Variants in RPSA2 observed in about 807,000 individuals in gnomAD.
RPSA2 encodes ribosomal protein SA 2.
the RPSA2 span, among the ~76,000 whole-genome samples, chr19:23,852,321 C>A: frequency 7.3e-6 from 1 of 137,476 alleles, no homozygotes; most frequent in Non-Finnish European, 1.5e-5. Flanking sequence ...GAGACCCTAA[C>A]CCAGCGGCGC....
the RPSA2 span, among the ~76,000 whole-genome samples, chr19:23,820,143 C>T: frequency 6.6e-6 from 1 of 152,156 alleles, no homozygotes; most frequent in Non-Finnish European, 1.5e-5. Flanking sequence ...AGGTGTGGCC[C>T]CTATTTCCTG....
At chr19:23,863,345 C>T in the RPSA2 span, among the ~76,000 whole-genome samples, 1 of 152,078 alleles carries the variant, frequency 6.6e-6, no homozygotes, top group Non-Finnish European at 1.5e-5. Context: ...GGGTGGATCA[C>T]CTAAGGTCAA....
chr19:23,801,380 A>G, the RPSA2 span, among the ~76,000 whole-genome samples: 1 of 152,110 alleles, frequency 6.6e-6, no homozygotes, highest in Non-Finnish European at 1.5e-5. Context: ...CTTGGATTAC[A>G]GGCATGTGCC....
the RPSA2 span, among the ~76,000 whole-genome samples, chr19:23,824,250 T>C: frequency 2.6e-5 from 4 of 152,184 alleles, no homozygotes; most frequent in African/African-American, 9.7e-5. Context: ...AAAGCTGACC[T>C]TGCAGCTGCA....
At chr19:23,820,964 C>T in the RPSA2 span, among the ~76,000 whole-genome samples, 4 of 152,242 alleles carry the variant, frequency 2.6e-5, no homozygotes, top group East Asian at 5.8e-4. Flanking sequence ...TAAGATCTCT[C>T]CAGCTTGAGA....
At chr19:23,856,242 G>A in the RPSA2 span, among the ~76,000 whole-genome samples, 84 of 152,036 alleles carry the variant, frequency 5.5e-4, no homozygotes, top group East Asian at 4.7e-3. Flanking sequence ...CACCCCAAAC[G>A]GTGACAGGAA....
the RPSA2 span, chr19:23,818,993 A>C: frequency 1.3e-5 from 2 of 152,186 alleles, no homozygotes; most frequent in Non-Finnish European, 2.9e-5. Context: ...CATCCTTCTA[A>C]GGATTCTCCC....
At chr19:23,858,549 G>C in the RPSA2 span, among the ~76,000 whole-genome samples, 2 of 152,142 alleles carry the variant, frequency 1.3e-5, no homozygotes, top group African/African-American at 4.8e-5. Context: ...GAAGTCCTTG[G>C]TAAAGTTTCC....
chr19:23,841,714 G>C, the RPSA2 span, among the ~76,000 whole-genome samples: 1 of 151,504 alleles, frequency 6.6e-6, no homozygotes, highest in Non-Finnish European at 1.5e-5. Context: ...CCTGTGTACA[G>C]GGTGAGCAGC....
At chr19:23,835,613 TA>T in the RPSA2 span, among the ~76,000 whole-genome samples, 1 of 6,608 alleles carries the variant, frequency 1.5e-4, no homozygotes, top group Admixed American at 3.9e-3. Context: ...GTTTGTTTAA[TA>T]GTTTTTTTTT....
the RPSA2 span, among the ~76,000 whole-genome samples, chr19:23,780,349 A>C: frequency 6.6e-6 from 1 of 152,108 alleles, no homozygotes; most frequent in Non-Finnish European, 1.5e-5. Flanking sequence ...CCACAGTTAA[A>C]ACTGTGACTA....
chr19:23,838,241 A>G, the RPSA2 span, among the ~76,000 whole-genome samples: 1 of 152,122 alleles, frequency 6.6e-6, no homozygotes, highest in Non-Finnish European at 1.5e-5. Context: ...GTGGTGTATC[A>G]TTTGTTGACC....
chr19:23,777,415 T>C, the RPSA2 span, among the ~76,000 whole-genome samples: 1 of 152,216 alleles, frequency 6.6e-6, no homozygotes, highest in East Asian at 1.9e-4. Flanking sequence ...TCTCCACTTA[T>C]GCCTGGGCCT....
At chr19:23,795,447 T>C in the RPSA2 span, among the ~76,000 whole-genome samples, 1 of 152,156 alleles carries the variant, frequency 6.6e-6, no homozygotes, top group Non-Finnish European at 1.5e-5. Context: ...TTGTTAATGG[T>C]ATTGTGTTTA....
the RPSA2 span, among the ~76,000 whole-genome samples, chr19:23,850,142 A>T: frequency 3.3e-5 from 5 of 151,736 alleles, no homozygotes; most frequent in Non-Finnish European, 5.9e-5. Context: ...CTCTAGCTCC[A>T]GGCATCCACA....
chr19:23,857,506 TTG>T, the RPSA2 span, among the ~76,000 whole-genome samples: 1,290 of 133,514 alleles, frequency 9.7e-3, 23 homozygotes, highest in Non-Finnish European at 0.013. Context: ...TTTTTTTTTT[TTG>T]AGATGGAGTT....
the RPSA2 span, among the ~76,000 whole-genome samples, chr19:23,793,816 G>A: frequency 6.6e-5 from 10 of 152,122 alleles, no homozygotes; most frequent in East Asian, 9.7e-4. Context: ...TGCCTGCCTC[G>A]GCCTCCCAAA....
chr19:23,808,703 A>AT, the RPSA2 span: 1 of 657,862 alleles, frequency 1.5e-6, no homozygotes. Flanking sequence ...CATGTTAGTT[A>AT]TTTTTAATAA....
the RPSA2 span, among the ~76,000 whole-genome samples, chr19:23,804,075 C>T: frequency 6.6e-6 from 1 of 152,118 alleles, no homozygotes; most frequent in South Asian, 2.1e-4. Flanking sequence ...AACACAGTAC[C>T]TGCTTAATAA....
Sources: gnomAD v4.1 joint callset for allele counts (sites outside exome capture counted in the v4.1 genomes callset) on GRCh38, gnomAD v4.1.1 for gene constraint, MANE v1.5 for transcripts, NCBI Gene and HGNC (gene_info 2026-07-23, HGNC 2026-07-21) for gene names.